The following MTRES1 variants were observed in gnomAD, a reference collection of about 807,000 sequenced individuals.
The protein encoded by MTRES1 is uncharacterized protein C6orf203.
MTRES1 carries 11 observed loss-of-function variants against 17.4 expected under a neutral mutation model. The ratio of observed to expected loss-of-function variants is 0.63; its 90% CI spans 0.40 to 1.05. MTRES1 has a LOEUF of 1.05. Among genes scored for constraint, MTRES1 ranks in the 50% least tolerant of loss-of-function variants. MTRES1 has a pLI of 0.00. For missense variants in MTRES1, 268 were observed against 276.2 expected (o/e 0.97, Z 0.21); for synonymous variants, 94 against 99.6 (o/e 0.94, Z 0.34).
chr6:107,036,522 CAA>C (rs1485216731), intron 1 of MTRES1, among the ~76,000 whole-genome samples: 6 of 150,400 alleles, frequency 4.0e-5, no homozygotes, highest in Non-Finnish European at 7.4e-5. Flanking sequence ...CCTGGGCAAA[CAA>C]GAGCGAAACT....
intron 3 of MTRES1, among the ~76,000 whole-genome samples, chr6:107,047,540 A>G (rs1252962177): frequency 6.6e-6 from 1 of 151,842 alleles, no homozygotes; most frequent in Non-Finnish European, 1.5e-5. Flanking sequence ...TTCTTTGTCT[A>G]CCCTTTTGTA....
chr6:107,046,261 C>T (rs1203211200), intron 3 of MTRES1, among the ~76,000 whole-genome samples: 2 of 152,172 alleles, frequency 1.3e-5, no homozygotes, highest in Non-Finnish European at 2.9e-5. Flanking sequence ...AGAATGATTA[C>T]TCCCTGAACA....
rs868947702 is a variant in MTRES1, at chr6:107,040,265, C to T, written c.470+35C>T. 9 of 1,539,176 alleles carry T rather than the reference C, an allele frequency of 5.8e-6. No individual in the cohort carries two copies. In the African/African-American group the frequency reaches 9.7e-5, roughly 17 times the overall value. On this transcript the variant is annotated intron_variant, in intron 2 of 3. Transcript: ENST00000311381. ...ATACGCATTTCATTATAAACTCGCT[C>T]GTAGTCATGTTATTTTAATATAGCA...
At position 107,051,459 on chromosome 6, in the gene MTRES1, A is replaced by G. The variant is rs1774603297; in HGVS notation, c.*223A>G. 3 of 461,834 alleles carry G rather than the reference A, an allele frequency of 6.5e-6. No individual in the cohort carries two copies. The highest frequency in any genetic ancestry group is 1.2e-5 in the Non-Finnish European group (3 of 257,926). 28.6% of individuals were successfully genotyped at this position (461,834 alleles called of 1,614,324 possible). On this transcript the variant is annotated 3_prime_UTR_variant, in exon 4 of 4. Transcript: ENST00000311381. ...TGCTCCTTTGACCTCCTCGTGTGAG[A>G]ACCCCTTTGCCAGAGTGAGACGTGT...
rs185499979 is a variant in MTRES1 at position 107,051,178 on chromosome 6, G to A, written c.665G>A (p.Arg222Lys). 4.6e-5 allele frequency: 75 copies of A among 1,614,088 alleles called. No homozygotes were observed. The Admixed American group carries it at 5.8e-4, about 13-fold the overall frequency. Residue 222 changes from arginine (R) to lysine (K), a missense_variant, in exon 4 of 4, where the codon AGA becomes AAA. Arg to Lys is a conservative substitution (Grantham distance 26). Transcript: ENST00000311381. The stretch of plus-strand genomic sequence containing the variant: ...GAGAAGACTGAAAGTGAAAAATACA[G>A]AGTGGTGTTACGGCGGTGGAAAAGT... ...FEEKTESEKY[R>K]VVLRRWKSLK...
intron 3 of MTRES1, among the ~76,000 whole-genome samples, chr6:107,046,799 T>G (rs1438294226): frequency 6.6e-6 from 1 of 152,130 alleles, no homozygotes; most frequent in South Asian, 2.1e-4. Context: ...AACTGTTGAT[T>G]AAACAGTGGG....
intron 3 of MTRES1, among the ~76,000 whole-genome samples, chr6:107,046,748 C>T (rs934152376): frequency 1.3e-5 from 2 of 152,108 alleles, no homozygotes; most frequent in South Asian, 2.1e-4. Context: ...TTTCTTTGAG[C>T]TGAAAACCAG....
chr6:107,049,984 G>A (rs1774539374), intron 3 of MTRES1, among the ~76,000 whole-genome samples: 1 of 152,210 alleles, frequency 6.6e-6, no homozygotes, highest in Non-Finnish European at 1.5e-5. Flanking sequence ...GCCTCCCAAA[G>A]TGCTGGGATT....
At chr6:107,045,474 A>C (rs1265066011) in intron 3 of MTRES1, among the ~76,000 whole-genome samples, 1 of 110,338 alleles carries the variant, frequency 9.1e-6, no homozygotes, top group Non-Finnish European at 1.9e-5. Flanking sequence ...ACAGAGCGAG[A>C]CTTCGTCTCA....
intron 1 of MTRES1, chr6:107,030,134 C>T (rs1773788000): frequency 2.8e-6 from 2 of 718,492 alleles, no homozygotes; most frequent in Non-Finnish European, 5.2e-6. Flanking sequence ...GGGGAGGATG[C>T]CAGTGTTGCT....
intron 1 of MTRES1, among the ~76,000 whole-genome samples, chr6:107,035,871 A>T (rs1356225988): frequency 2.0e-5 from 3 of 150,870 alleles, no homozygotes; most frequent in Non-Finnish European, 4.4e-5. Context: ...CTGGTCTCAA[A>T]CTCCTGACCT....
chr6:107,029,671 A>G (rs1415534937), intron 1 of MTRES1, among the ~76,000 whole-genome samples: 2 of 151,260 alleles, frequency 1.3e-5, no homozygotes, highest in African/African-American at 4.9e-5. Flanking sequence ...TTTAGTAGAG[A>G]CGAGGTTTCA....
chr6:107,040,921 A>G (rs1188683626), intron 2 of MTRES1: 1 of 150,618 alleles, frequency 6.6e-6, no homozygotes. Context: ...GTATACTAAG[A>G]TGTTGGTTAA....
chr6:107,050,961 G>A, intron 3 of MTRES1, 96 bp from the exon 4 acceptor site: 2 of 1,010,724 alleles, frequency 2.0e-6, no homozygotes, highest in South Asian at 1.5e-5. Flanking sequence ...CCTCCTCTGG[G>A]TCATGATCAT....
chr6:107,029,886 G>T, intron 1 of MTRES1: 2 of 590,874 alleles, frequency 3.4e-6, no homozygotes, highest in South Asian at 2.1e-5. Flanking sequence ...GATTATAGGC[G>T]TGAGCCACCT....
chr6:107,036,500 G>A (rs572184952), intron 1 of MTRES1, among the ~76,000 whole-genome samples: 4 of 151,630 alleles, frequency 2.6e-5, no homozygotes, highest in Non-Finnish European at 4.4e-5. Flanking sequence ...AGATCGAGCC[G>A]TTTCACTCCA....
chr6:107,049,408 C>CTTTTT (rs782057719), intron 3 of MTRES1, among the ~76,000 whole-genome samples: 30 of 99,358 alleles, frequency 3.0e-4, no homozygotes, highest in Middle Eastern at 6.9e-3. Context: ...TATGGCCCTT[C>CTTTTT]TTTTTTTTTT....
chr6:107,032,155 G>A (rs1554226513), intron 1 of MTRES1, among the ~76,000 whole-genome samples: 1 of 152,170 alleles, frequency 6.6e-6, no homozygotes, highest in Non-Finnish European at 1.5e-5. Context: ...AGCTGGGGAG[G>A]AGTGGAGGCA....
At chr6:107,039,110 T>A (rs1774101263) in intron 1 of MTRES1, among the ~76,000 whole-genome samples, 1 of 151,890 alleles carries the variant, frequency 6.6e-6, no homozygotes, top group Admixed American at 6.6e-5. Flanking sequence ...TTGTTAGTAT[T>A]TTTTTTAGGA....
Sources: gnomAD v4.1 joint callset for allele counts (sites outside exome capture counted in the v4.1 genomes callset) on GRCh38, gnomAD v4.1.1 for gene constraint, MANE v1.5 for transcripts, NCBI Gene and HGNC (gene_info 2026-07-23, HGNC 2026-07-21) for gene names.